The following ALK variants were observed in gnomAD, a reference collection of about 807,000 sequenced individuals.
The protein encoded by ALK is ALK receptor tyrosine kinase.
ALK carries 74 observed loss-of-function variants against 163.1 expected under a neutral mutation model. The observed-to-expected ratio is 0.45, with a 90% CI of 0.38 to 0.55. ALK has a LOEUF of 0.55. Among genes scored for constraint, ALK ranks in the 20% least tolerant of loss-of-function variants. The pLI, the probability that ALK is intolerant of heterozygous loss-of-function variation, is 0.00. For synonymous variants in ALK, 960 were observed against 843.2 expected, an observed-to-expected ratio of 1.14 and a Z score of -2.40; for missense variants, 2,063 against 2,105.3, an observed-to-expected ratio of 0.98 and a Z score of 0.39.
intron 1 of ALK, among the ~76,000 whole-genome samples, chr2:29,881,725 T>A (rs112204573): frequency 5.3e-5 from 8 of 152,178 alleles, no homozygotes; most frequent in African/African-American, 1.7e-4. Flanking sequence ...TCTTCCTCCA[T>A]GAAACTTTTC....
chr2:29,721,465 T>G (rs1265570305), intron 1 of ALK, among the ~76,000 whole-genome samples: 1 of 152,170 alleles, frequency 6.6e-6, no homozygotes, highest in Non-Finnish European at 1.5e-5. Flanking sequence ...CCTGACTAAC[T>G]CAGTTCACTC....
chr2:29,393,725 C>T (rs2148309616), intron 4 of ALK, among the ~76,000 whole-genome samples: 1 of 152,208 alleles, frequency 6.6e-6, no homozygotes, highest in East Asian at 1.9e-4. Flanking sequence ...CCAGAGTGAC[C>T]CTTGTGATGG....
chr2:29,246,115 C>T lies in ALK; in HGVS notation c.2204+4990G>A, dbSNP rs189118758. On this transcript the variant is annotated intron_variant, in intron 12 of 28. Coordinates refer to ENST00000389048, the MANE Select transcript of ALK (RefSeq NM_004304.5). This position sits in a 1 kb window ranked among gnomAD's most constrained non-coding sequence, Gnocchi z 4.3. The stretch of plus-strand genomic sequence containing the variant: ...CATGCTTGACAAATGGTGTTATATA[C>T]GATCTGTGTGTGTATGGTAGTGGGT... 3.3e-5 allele frequency among the ~76,000 whole-genome samples: 5 copies of T among 151,826 alleles called. No individual in the cohort carries two copies. The East Asian group carries it at 7.8e-4, about 24-fold the overall frequency.
intron 3 of ALK, among the ~76,000 whole-genome samples, chr2:29,680,081 A>G (rs1483777786): frequency 6.6e-6 from 1 of 152,052 alleles, no homozygotes; most frequent in Non-Finnish European, 1.5e-5. Flanking sequence ...TTCCCTGTAC[A>G]TGATAAGCTA....
At chr2:29,209,563 A>T (rs1018906889) in intron 25 of ALK, among the ~76,000 whole-genome samples, 3 of 145,844 alleles carry the variant, frequency 2.1e-5, no homozygotes, top group Non-Finnish European at 4.5e-5. Context: ...AAAAAAAAAA[A>T]GCTTGGTGTC....
At chr2:29,479,157 C>T (rs1483379552) in intron 4 of ALK, among the ~76,000 whole-genome samples, 1 of 152,106 alleles carries the variant, frequency 6.6e-6, no homozygotes, top group Non-Finnish European at 1.5e-5. Context: ...CTCAGGGTTC[C>T]CTGAACATCT....
intron 5 of ALK, among the ~76,000 whole-genome samples, chr2:29,331,256 G>T (rs912871352): frequency 6.6e-6 from 1 of 152,188 alleles, no homozygotes; most frequent in African/African-American, 2.4e-5. Context: ...ATAACTTATA[G>T]ATTCTAAGTG....
chr2:29,619,905 G>T (rs991552517), intron 3 of ALK, among the ~76,000 whole-genome samples: 1 of 152,160 alleles, frequency 6.6e-6, no homozygotes, highest in Admixed American at 6.5e-5. Flanking sequence ...GCTGCATCAG[G>T]TGCCCATACC....
chr2:29,720,867 A>T (rs931792661), intron 1 of ALK, among the ~76,000 whole-genome samples: 12 of 152,136 alleles, frequency 7.9e-5, no homozygotes, highest in African/African-American at 2.9e-4. Flanking sequence ...TCCACTCTGA[A>T]AATATGAGGA....
At chr2:29,817,811 G>A (rs1664937979) in intron 1 of ALK, among the ~76,000 whole-genome samples, 1 of 152,204 alleles carries the variant, frequency 6.6e-6, no homozygotes, top group Admixed American at 6.5e-5. Flanking sequence ...ATGCGGAAAT[G>A]GAAGGAATTC....
At chr2:29,485,855 A>T (rs1395601939) in intron 4 of ALK, among the ~76,000 whole-genome samples, 1 of 152,172 alleles carries the variant, frequency 6.6e-6, no homozygotes, top group Non-Finnish European at 1.5e-5. Flanking sequence ...CAGTGGCCTC[A>T]GTGGCATTTT....
At chr2:29,492,238 T>C (rs1671919562) in intron 4 of ALK, among the ~76,000 whole-genome samples, 1 of 152,184 alleles carries the variant, frequency 6.6e-6, no homozygotes, top group South Asian at 2.1e-4. Context: ...GAATCAGAGA[T>C]TCATTTATCT....
intron 6 of ALK, among the ~76,000 whole-genome samples, chr2:29,323,883 T>C (rs2148253881): frequency 6.6e-6 from 1 of 152,330 alleles, no homozygotes; most frequent in East Asian, 1.9e-4. Context: ...ACTTATTTGC[T>C]GAACAAAAGG....
chr2:29,649,365 G>T (rs1331528751), intron 3 of ALK, among the ~76,000 whole-genome samples: 1 of 151,924 alleles, frequency 6.6e-6, no homozygotes, highest in Non-Finnish European at 1.5e-5. Flanking sequence ...TTGCGTTTTG[G>T]TTTCAGTCAC....
At chr2:29,506,519 G>A (rs1672328334) in intron 4 of ALK, among the ~76,000 whole-genome samples, 1 of 152,066 alleles carries the variant, frequency 6.6e-6, no homozygotes, top group African/African-American at 2.4e-5. Context: ...GGCCGAGGCG[G>A]GTGGATCATG....
At chr2:29,646,780 C>T (rs2148250325) in intron 3 of ALK, among the ~76,000 whole-genome samples, 1 of 152,296 alleles carries the variant, frequency 6.6e-6, no homozygotes, top group Non-Finnish European at 1.5e-5. Context: ...ACAAAGCTTT[C>T]CTGACCACCC....
rs1440884475 is a variant in ALK, at chr2:29,920,533, G to T, written c.127C>A (p.Pro43Thr). 6.2e-7 allele frequency: 1 copy of T among 1,609,514 alleles called. No individual in the cohort carries two copies. The highest frequency in any genetic ancestry group is 1.1e-5 in the South Asian group (1 of 90,900). The change falls in exon 1 of 29, where the codon CCA becomes ACA. Residue 43 changes from proline (P) to threonine (T), a missense_variant. Coordinates refer to ENST00000389048, the MANE Select transcript of ALK (RefSeq NM_004304.5). ...CTCTGCAGGCGCGAGTAGCTGAGTGGCTCCCGGGGCTGCAGCGGCGGCCCC... is the reference window on the plus strand; with the variant it reads ...CTCTGCAGGCGCGAGTAGCTGAGTGTCTCCCGGGGCTGCAGCGGCGGCCCC... ...AAGPPLQPRE[P>T]LSYSRLQRKS...
chr2:29,337,005 G>T (rs1207215276), intron 5 of ALK, among the ~76,000 whole-genome samples: 1 of 152,096 alleles, frequency 6.6e-6, no homozygotes, highest in Non-Finnish European at 1.5e-5. Context: ...GGAGTCTAGG[G>T]GACTGGGCCA....
chr2:29,740,231 C>G (rs1206683107), intron 1 of ALK, among the ~76,000 whole-genome samples: 4 of 151,968 alleles, frequency 2.6e-5, no homozygotes, highest in African/African-American at 9.7e-5. Context: ...TAAAACAGAG[C>G]TCTATCAGCT....
Sources: gnomAD v4.1 joint callset for allele counts (sites outside exome capture counted in the v4.1 genomes callset) on GRCh38, gnomAD v4.1.1 for gene constraint, Gnocchi (gnomAD v3.1) non-coding constraint, MANE v1.5 for transcripts, NCBI Gene and HGNC (gene_info 2026-07-23, HGNC 2026-07-21) for gene names.